Variants in KDM4C observed in about 807,000 individuals in gnomAD.
KDM4C encodes lysine-specific demethylase 4C.
Under a neutral mutation model 129.3 loss-of-function variants are expected in KDM4C, and 81 were observed. The ratio of observed to expected loss-of-function variants is 0.63; its 90% CI spans 0.52 to 0.75. The LOEUF is 0.75. Among genes scored for constraint, KDM4C ranks in the 30% least tolerant of loss-of-function variants. KDM4C has a pLI of 0.00. For synonymous variants in KDM4C, 573 were observed against 456.1 expected (o/e 1.26, Z -3.26); for missense variants, 1,457 against 1,304.0 (o/e 1.12, Z -1.81).
chr9:6,750,250 C>A (rs576445197), intron 1 of KDM4C, among the ~76,000 whole-genome samples: 3 of 151,826 alleles, frequency 2.0e-5, no homozygotes, highest in Non-Finnish European at 1.5e-5. Flanking sequence ...ACCAGCCTGA[C>A]CAATATGGTG....
At chr9:6,993,805 C>A (rs1332541540) in intron 12 of KDM4C, among the ~76,000 whole-genome samples, 1 of 152,184 alleles carries the variant, frequency 6.6e-6, no homozygotes, top group Non-Finnish European at 1.5e-5. Flanking sequence ...TGCTCAGAAG[C>A]TCTCAGGTTT....
chr9:6,801,546 C>T (rs958549333), intron 2 of KDM4C, among the ~76,000 whole-genome samples: 66 of 150,180 alleles, frequency 4.4e-4, no homozygotes, highest in African/African-American at 1.6e-3. Flanking sequence ...CTGACCTTGT[C>T]TCTTAAAAAA....
chr9:6,992,368 T>C (rs1037551860), intron 12 of KDM4C, among the ~76,000 whole-genome samples: 3 of 152,228 alleles, frequency 2.0e-5, no homozygotes, highest in African/African-American at 7.2e-5. Flanking sequence ...TTTGATGAAG[T>C]CGTCTCAAGG....
intron 4 of KDM4C, among the ~76,000 whole-genome samples, chr9:6,836,909 A>T (rs1378361642): frequency 6.6e-6 from 1 of 152,206 alleles, no homozygotes; most frequent in Non-Finnish European, 1.5e-5. Context: ...CACATCCCAT[A>T]CATGGTACCT....
chr9:7,170,142 G>A, intron 21 of KDM4C: 1 of 1,360,000 alleles, frequency 7.4e-7, no homozygotes, highest in East Asian at 3.2e-5. Flanking sequence ...ACATTTATTG[G>A]TGCACAAAAA....
At chr9:6,806,884 C>CTCCGTCTCCG (rs1564055746) in intron 3 of KDM4C, among the ~76,000 whole-genome samples, 4 of 66,336 alleles carry the variant, frequency 6.0e-5, no homozygotes, top group African/African-American at 1.7e-4. Context: ...CTCCGTCTCC[C>CTCCGTCTCCG]TCTCCCTCTC....
At position 6,852,428 on chromosome 9, in the gene KDM4C, C is replaced by A. The variant is rs565735212; in HGVS notation, c.629+2728C>A. On this transcript the variant is annotated intron_variant, in intron 5 of 21. Coordinates refer to ENST00000381309, the MANE Select transcript of KDM4C (RefSeq NM_015061.6). ...CACTCCCCCAAGTCACAAGGTTAGC[C>A]AGAATGACCTCCAGTCATTCTGATT... Among the ~76,000 whole-genome samples, 109 of 152,278 alleles carry A rather than the reference C, an allele frequency of 7.2e-4. 1 individual carries two copies. The highest frequency in any genetic ancestry group is 1.4e-3 in the Non-Finnish European group (95 of 68,028).
At chr9:6,943,622 C>T (rs898620282) in intron 8 of KDM4C, among the ~76,000 whole-genome samples, 37 of 151,944 alleles carry the variant, frequency 2.4e-4, no homozygotes, top group African/African-American at 8.7e-4. Context: ...CTGCAGTGAG[C>T]CATAATTGCC....
chr9:6,806,428 A>G (rs1829969941), intron 3 of KDM4C, among the ~76,000 whole-genome samples: 1 of 152,054 alleles, frequency 6.6e-6, no homozygotes, highest in Non-Finnish European at 1.5e-5. Context: ...TGGGAGACAG[A>G]GGTTGCAGTG....
At chr9:7,093,780 A>C (rs1836092039) in intron 17 of KDM4C, among the ~76,000 whole-genome samples, 1 of 152,252 alleles carries the variant, frequency 6.6e-6, no homozygotes, top group South Asian at 2.1e-4. Flanking sequence ...TAGTTGTATA[A>C]TGTCTAAGTA....
In KDM4C at chr9:6,857,579, A is replaced by G. The variant is rs185502979; in HGVS notation, c.629+7879A>G. Among the ~76,000 whole-genome samples, 27 of 152,296 alleles carry G rather than the reference A, an allele frequency of 1.8e-4. No homozygotes were observed. In the East Asian group the frequency reaches 5.0e-3, roughly 28 times the overall value. ...GATATCTAGTGTTTGTGAGTTGGAA[A>G]GTCTCACTCTTTTTTCCTGAAGTGT... On this transcript the variant is annotated intron_variant, in intron 5 of 21. Coordinates refer to ENST00000381309, the MANE Select transcript of KDM4C (RefSeq NM_015061.6).
chr9:7,030,562 C>G lies in KDM4C; in HGVS notation c.2259+14633C>G, dbSNP rs990064398. The stretch of plus-strand genomic sequence containing the variant: ...GATGGAAGCTATGTATGTGTGCAGG[C>G]AAGAGATAATTGGGAAGTTTCTGTA... On this transcript the variant is annotated intron_variant, in intron 15 of 21. Transcript: ENST00000381309. 2.0e-5 allele frequency among the ~76,000 whole-genome samples: 3 copies of G among 152,068 alleles called. No homozygotes were observed. The East Asian group carries it at 5.8e-4, about 29-fold the overall frequency.
intron 4 of KDM4C, among the ~76,000 whole-genome samples, chr9:6,815,458 A>G (rs1831909784): frequency 6.6e-6 from 1 of 152,076 alleles, no homozygotes; most frequent in Admixed American, 6.6e-5. Flanking sequence ...CAAGAGATCT[A>G]ACTGCCTCGG....
At chr9:7,128,038 T>C in intron 18 of KDM4C, 28 bp from the exon 19 acceptor site, 2 of 1,423,466 alleles carry the variant, frequency 1.4e-6, no homozygotes, top group Non-Finnish European at 1.9e-6. Flanking sequence ...TTACTTCTTT[T>C]CTTCCTTTTT....
At chr9:7,052,466 A>G (rs905065842) in intron 17 of KDM4C, among the ~76,000 whole-genome samples, 2 of 152,230 alleles carry the variant, frequency 1.3e-5, no homozygotes, top group African/African-American at 2.4e-5. Context: ...GAGTGCGATC[A>G]GACAATAACA....
At chr9:6,866,330 G>C (rs759227691) in intron 5 of KDM4C, among the ~76,000 whole-genome samples, 3 of 151,876 alleles carry the variant, frequency 2.0e-5, no homozygotes, top group Non-Finnish European at 4.4e-5. Flanking sequence ...TTTGGTTCCA[G>C]ATGGTGCCTT....
At chr9:6,968,295 G>C (rs1305338576) in intron 8 of KDM4C, among the ~76,000 whole-genome samples, 3 of 152,108 alleles carry the variant, frequency 2.0e-5, no homozygotes, top group Non-Finnish European at 4.4e-5. Context: ...GGGTAACATA[G>C]TTCAGTCCCT....
At chr9:6,721,802 C>G (rs767953948) in intron 1 of KDM4C, among the ~76,000 whole-genome samples, 2 of 151,328 alleles carry the variant, frequency 1.3e-5, no homozygotes, top group Non-Finnish European at 2.9e-5. Context: ...ATTGGCCATG[C>G]TGGTCTCAAA....
intron 17 of KDM4C, among the ~76,000 whole-genome samples, chr9:7,096,472 G>T (rs185803763): frequency 1.3e-5 from 2 of 152,230 alleles, no homozygotes; most frequent in East Asian, 3.9e-4. Flanking sequence ...CTATCTGTTT[G>T]GGCCATGTTA....
Sources: gnomAD v4.1 joint callset for allele counts (sites outside exome capture counted in the v4.1 genomes callset) on GRCh38, gnomAD v4.1.1 for gene constraint, MANE v1.5 for transcripts, NCBI Gene and HGNC (gene_info 2026-07-23, HGNC 2026-07-21) for gene names.